ANKRD24: variants seen among roughly 807,000 people sequenced by gnomAD.
The protein encoded by ANKRD24 is ankyrin repeat domain 24, also known as ankyrin repeat domain-containing protein 24.
Under a neutral mutation model 127.8 loss-of-function variants are expected in ANKRD24, and 109 were observed. That is an observed-to-expected ratio of 0.85 (90% CI 0.73 to 1.00). The LOEUF is 1.00. Among genes scored for constraint, ANKRD24 ranks in the 50% least tolerant of loss-of-function variants. ANKRD24 has a pLI of 0.00. For missense variants in ANKRD24, 1,648 were observed against 1,570.2 expected, an observed-to-expected ratio of 1.05 and a Z score of -0.84; for synonymous variants, 743 against 671.1, an observed-to-expected ratio of 1.11 and a Z score of -1.66.
chr19:4,186,587 C>T (rs1011899752), intron 2 of ANKRD24, 126 bp downstream of exon 2: 2 of 1,137,472 alleles, frequency 1.8e-6, no homozygotes, highest in South Asian at 1.4e-5. Context: ...TCTGCTGCCC[C>T]CTAGCGTCAT....
At position 4,202,107 on chromosome 19, in the gene ANKRD24, T is replaced by C. The variant is rs776730455; in HGVS notation, c.408+17T>C. ...CTACTGCAGGTCATTTACTGTCTTA[T>C]CTCAGCTACTCCCTTGGCCCCTACT... On this transcript the variant is annotated intron_variant, in intron 6 of 21. Coordinates refer to ENST00000318934, the MANE Select transcript of ANKRD24 (RefSeq NM_001393985.1). 77 of 1,611,752 alleles carry C rather than the reference T, an allele frequency of 4.8e-5. No homozygotes were observed. The highest frequency in any genetic ancestry group is 5.6e-5 in the Non-Finnish European group (66 of 1,178,114).
chr19:4,196,769 C>T (rs1308913062), intron 2 of ANKRD24, among the ~76,000 whole-genome samples: 1 of 152,152 alleles, frequency 6.6e-6, no homozygotes, highest in Non-Finnish European at 1.5e-5. Context: ...ATCCAGTGGG[C>T]GCTCAATAAA....
chr19:4,202,387 A>G (rs1969141635), intron 6 of ANKRD24, among the ~76,000 whole-genome samples: 1 of 151,974 alleles, frequency 6.6e-6, no homozygotes, highest in Admixed American at 6.6e-5. Context: ...TGGCCAACAC[A>G]GTGAAACCCC....
chr19:4,217,340 C>G lies in ANKRD24; in HGVS notation c.2180C>G (p.Thr727Ser). The part of the protein sequence containing the change: ...ASEKLQVELE[T>S]RIRGLEEALR... ...GAAAAGCTTCAAGTAGAGCTGGAGA[C>G]CAGGATCCGTGGCTTGGAGGAGGCT... Residue 727 changes from threonine to serine, a missense_variant, in exon 18 of 22, where the codon ACC becomes AGC. Transcript: ENST00000318934. The G allele has an allele frequency of 6.4e-7, 1 of 1,551,588 alleles. No individual in the cohort carries two copies. The highest frequency in any genetic ancestry group is 2.4e-5 in the East Asian group (1 of 40,918).
intron 16 of ANKRD24, 40 bp downstream of exon 16, chr19:4,216,090 C>A: frequency 1.3e-6 from 2 of 1,550,698 alleles, no homozygotes. Flanking sequence ...GCCGCCTTGT[C>A]CCCTGGGGCC....
At chr19:4,223,420 T>G (rs1459468862) in intron 20 of ANKRD24, among the ~76,000 whole-genome samples, 15 of 124,928 alleles carry the variant, frequency 1.2e-4, no homozygotes, top group Non-Finnish European at 2.4e-4. Flanking sequence ...TTTTTTTTTT[T>G]GAGCCAGTCT....
intron 17 of ANKRD24, 27 bp from the exon 18 acceptor site, chr19:4,216,523 A>G: frequency 1.9e-6 from 3 of 1,581,592 alleles, no homozygotes; most frequent in Non-Finnish European, 2.6e-6. Flanking sequence ...CTCCTGCCAG[A>G]CTCCTGCCCC....
Position 4,198,643 on chromosome 19 carries a change from A to G in ANKRD24, c.37-1040A>G, listed in dbSNP as rs1968910687. On this transcript the variant is annotated intron_variant, in intron 2 of 21. Coordinates refer to ENST00000318934, the MANE Select transcript of ANKRD24 (RefSeq NM_001393985.1). This position sits in a 1 kb window ranked among gnomAD's most constrained non-coding sequence, Gnocchi z 6.1. ...CACCCCCCCATTCCAGACCCGGGAAAGATGGTCGGCGGCGGGGGGTGGGGG... is the reference window on the plus strand; with the variant it reads ...CACCCCCCCATTCCAGACCCGGGAAGGATGGTCGGCGGCGGGGGGTGGGGG... 2.5e-6 allele frequency: 1 copy of G among 400,376 alleles called. No individual in the cohort carries two copies. Among genetic ancestry groups the G allele is most frequent in the Non-Finnish European group, 4.4e-6 (1 of 225,716 alleles). The allele number at this position is 400,376 out of a possible 1,614,324, so 24.8% of individuals were successfully genotyped here. A position where few individuals can be genotyped will look rare whatever the true frequency, so the allele number is the denominator to read the frequency against.
In ANKRD24 at chr19:4,212,633, C is replaced by G. The variant is rs866260796; in HGVS notation, c.1132C>G (p.Gln378Glu). The change falls in exon 15 of 22, where the codon CAA (glutamine) becomes GAA (glutamate). Residue 378 changes from glutamine to glutamate, a missense_variant. Transcript: ENST00000318934. ...GCTACAGCAGTTGCTGGTGGAGAGA[C>G]AAGAGGAGAAGGAGAGCCTGGGACG... ...QELQQLLVERQEEKESLGREV... is the reference protein window; with the variant it reads ...QELQQLLVEREEEKESLGREV... The G allele has an allele frequency of 1.4e-5, 22 of 1,551,228 alleles. No individual in the cohort carries two copies. The Middle Eastern group carries it at 2.0e-3, about 139-fold the overall frequency.
chr19:4,211,025 G>A (rs969864951), intron 13 of ANKRD24, among the ~76,000 whole-genome samples: 5 of 151,790 alleles, frequency 3.3e-5, no homozygotes, highest in African/African-American at 1.2e-4. Context: ...TAGAGACGGG[G>A]TTTCAGCACA....
chr19:4,213,485 T>C (rs1329767770), intron 15 of ANKRD24, among the ~76,000 whole-genome samples: 1 of 133,022 alleles, frequency 7.5e-6, no homozygotes, highest in African/African-American at 2.8e-5. Flanking sequence ...GGACAGAGTC[T>C]CGCTCTGTCA....
intron 2 of ANKRD24, among the ~76,000 whole-genome samples, chr19:4,196,699 A>G (rs969311119): frequency 3.9e-5 from 6 of 152,154 alleles, no homozygotes; most frequent in African/African-American, 9.7e-5. Context: ...TAAAATGCCA[A>G]TTACCTGCAA....
At chr19:4,224,017 C>T in intron 20 of ANKRD24, 110 bp from the exon 21 acceptor site, 1 of 768,342 alleles carries the variant, frequency 1.3e-6, no homozygotes, top group Non-Finnish European at 2.1e-6. Flanking sequence ...CATATTTTAG[C>T]AGTCGGCCAT....
In ANKRD24 at chr19:4,195,060, TTTTGTTTGTTTG is replaced by T. The variant is rs139221641; in HGVS notation, c.37-4607_37-4596del. ...TCGGCGTGAGCCACCGCGCCCAGGTTTTTGTTTGTTTGTTTGTTTGTTTGTTTTTAGAGAGGG... is the reference window on the plus strand; with the variant it reads ...TCGGCGTGAGCCACCGCGCCCAGGTTTTTGTTTGTTTGTTTTTAGAGAGGG... On this transcript the variant is annotated intron_variant, in intron 2 of 21. Transcript: ENST00000318934. This position sits in a 1 kb window ranked among gnomAD's most constrained non-coding sequence, Gnocchi z 4.2. 1.3e-5 allele frequency among the ~76,000 whole-genome samples: 2 copies of T among 148,416 alleles called. No homozygotes were observed. Among genetic ancestry groups the T allele is most frequent in the Admixed American group, 6.7e-5 (1 of 14,848 alleles).
At chr19:4,212,543 C>T in intron 14 of ANKRD24, 30 bp downstream of exon 14, 2 of 1,549,636 alleles carry the variant, frequency 1.3e-6, no homozygotes, top group South Asian at 1.2e-5. Context: ...GGAGCCGGTC[C>T]TCCTGCTGCC....
chr19:4,223,401 A>ATATTTT (rs1192232980), intron 20 of ANKRD24, among the ~76,000 whole-genome samples: 3 of 53,322 alleles, frequency 5.6e-5, no homozygotes, highest in Admixed American at 2.4e-4. Flanking sequence ...ATATATATAT[A>ATATTTT]TTTTTTTTTT....
In ANKRD24 at chr19:4,216,856, G is replaced by C. The variant is rs776764257; in HGVS notation, c.1696G>C (p.Ala566Pro). The C allele has an allele frequency of 8.7e-6, 14 of 1,610,902 alleles. No homozygotes were observed. Among genetic ancestry groups the C allele is most frequent in the Non-Finnish European group, 1.2e-5 (14 of 1,178,716 alleles). ...CGGAGCCGAGACCATAGATGAGGAG[G>C]CTGCAGGAGATGAAACCATGGAAGC... ...VNGAETIDEE[A>P]AGDETMEART... The change falls in exon 18 of 22, where the codon GCT becomes CCT. Residue 566 changes from alanine (A) to proline (P), a missense_variant. Physicochemically the swap from Ala to Pro is conservative, Grantham distance 27 (BLOSUM62 -1). Transcript: ENST00000318934.
intron 20 of ANKRD24, among the ~76,000 whole-genome samples, chr19:4,223,256 T>C (rs1460614422): frequency 6.6e-6 from 1 of 150,452 alleles, no homozygotes; most frequent in African/African-American, 2.5e-5. Flanking sequence ...TTTTTGGACA[T>C]AGGATCTTGC....
At chr19:4,204,216 G>A (rs1040868050) in intron 7 of ANKRD24, among the ~76,000 whole-genome samples, 11 of 151,170 alleles carry the variant, frequency 7.3e-5, no homozygotes, top group South Asian at 2.1e-4. Flanking sequence ...CCGCCTGCTC[G>A]GCCTCCCAAA....
Sources: gnomAD v4.1 joint callset for allele counts (sites outside exome capture counted in the v4.1 genomes callset) on GRCh38, gnomAD v4.1.1 for gene constraint, Gnocchi (gnomAD v3.1) non-coding constraint, MANE v1.5 for transcripts, NCBI Gene and HGNC (gene_info 2026-07-23, HGNC 2026-07-21) for gene names.